SEM1: variants seen among roughly 807,000 people sequenced by gnomAD.
The protein encoded by SEM1 is SEM1 26S proteasome subunit, also known as 26S proteasome complex subunit SEM1.
SEM1 carries 3 observed loss-of-function variants against 12.7 expected under a neutral mutation model. The observed-to-expected ratio is 0.24, with a 90% CI of 0.11 to 0.61. The LOEUF (loss-of-function observed/expected upper bound fraction) is 0.61. SEM1 is among the 20% of genes least tolerant of loss of function. SEM1 has a pLI of 0.88. For synonymous variants in SEM1, 30 were observed against 27.8 expected (o/e 1.08, Z -0.25); for missense variants, 59 against 81.3 (o/e 0.73, Z 1.06).
At chr7:96,522,522 C>G (rs1480526649) in intron 2 of SEM1, among the ~76,000 whole-genome samples, 2 of 150,546 alleles carry the variant, frequency 1.3e-5, no homozygotes, top group Non-Finnish European at 2.9e-5. Context: ...CATGGGACTA[C>G]TGCCATGCCA....
intron 1 of SEM1, among the ~76,000 whole-genome samples, chr7:96,486,586 G>T (rs1002380096): frequency 6.6e-6 from 1 of 152,066 alleles, no homozygotes; most frequent in African/African-American, 2.4e-5. Context: ...GCTTCTTTCT[G>T]CCCAGCAGGT....
intron 2 of SEM1, among the ~76,000 whole-genome samples, chr7:96,512,470 G>A (rs1803962704): frequency 6.6e-6 from 1 of 152,018 alleles, no homozygotes; most frequent in South Asian, 2.1e-4. Context: ...AACAGGCTTG[G>A]ATCAATTAGT....
At chr7:96,612,616 T>C (rs1378612624) in intron 2 of SEM1, among the ~76,000 whole-genome samples, 1 of 152,140 alleles carries the variant, frequency 6.6e-6, no homozygotes, top group African/African-American at 2.4e-5. Flanking sequence ...GTTGTTTTTG[T>C]TGTTGTTGCT....
At chr7:96,566,084 T>C (rs1384029893) in intron 2 of SEM1, among the ~76,000 whole-genome samples, 1 of 151,840 alleles carries the variant, frequency 6.6e-6, no homozygotes, top group African/African-American at 2.4e-5. Flanking sequence ...TTAATCTATT[T>C]AATTTTTCTG....
intron 2 of SEM1, among the ~76,000 whole-genome samples, chr7:96,561,768 G>A (rs1805697394): frequency 6.6e-6 from 1 of 152,240 alleles, no homozygotes; most frequent in African/African-American, 2.4e-5. Context: ...AGATGGAGAG[G>A]TGACAAATAT....
At chr7:96,509,932 T>C (rs575619120) in intron 2 of SEM1, among the ~76,000 whole-genome samples, 3 of 152,082 alleles carry the variant, frequency 2.0e-5, no homozygotes, top group African/African-American at 7.2e-5. Context: ...AATAAGTACA[T>C]ACTTTCAGCT....
chr7:96,661,731 T>C (rs1415792760), intron 2 of SEM1, among the ~76,000 whole-genome samples: 2 of 152,186 alleles, frequency 1.3e-5, no homozygotes, highest in Non-Finnish European at 2.9e-5. Context: ...CTCATGCCTG[T>C]AATCCCAGCA....
intron 2 of SEM1, among the ~76,000 whole-genome samples, chr7:96,516,047 T>C: frequency 6.6e-6 from 1 of 150,740 alleles, no homozygotes; most frequent in East Asian, 1.9e-4. Context: ...CTTTTTCTTT[T>C]AAAAAAAAAG....
chr7:96,498,923 ATTTAT>A (rs1343843787), upstream of SEM1, among the ~76,000 whole-genome samples: 3 of 152,288 alleles, frequency 2.0e-5, no homozygotes, highest in Admixed American at 2.0e-4. Context: ...TGTACAAGAC[ATTTAT>A]TTTAATAGGT....
chr7:96,706,594 A>AAAAAAAAAG (rs1563122448), intron 1 of SEM1, among the ~76,000 whole-genome samples: 15 of 123,524 alleles, frequency 1.2e-4, no homozygotes, highest in African/African-American at 1.9e-4. Flanking sequence ...AAAAAAAAAA[A>AAAAAAAAAG]AGAGAGAGAG....
intron 2 of SEM1, among the ~76,000 whole-genome samples, chr7:96,663,486 G>C (rs1380792158): frequency 6.6e-6 from 1 of 152,066 alleles, no homozygotes; most frequent in African/African-American, 2.4e-5. Context: ...ACTATGATTC[G>C]GGCCTGACAC....
At position 96,557,092 on chromosome 7, in the gene SEM1, C is replaced by G. The variant is rs1055413919; in HGVS notation, c.171-50394G>C. 2.8e-3 allele frequency among the ~76,000 whole-genome samples: 407 copies of G among 144,628 alleles called. 1 individual carries two copies. Among genetic ancestry groups the G allele is most frequent in the African/African-American group, 9.7e-3 (386 of 39,636 alleles). 94.9% of individuals were successfully genotyped at this position (144,628 alleles called of 152,430 possible). A position where few individuals can be genotyped will look rare whatever the true frequency, so the allele number is the denominator to read the frequency against. ...TTGGTTATTCTAGTTATACATTCTT[C>G]TACATTTTTTTCAAAGTTTTCAACT... On this transcript the variant is annotated intron_variant and NMD_transcript_variant, in intron 2 of 3. Transcript: ENST00000466986.
chr7:96,698,227 ACTTTGTTGGTTCT>A (rs1790158044), intron 1 of SEM1, among the ~76,000 whole-genome samples: 1 of 151,866 alleles, frequency 6.6e-6, no homozygotes, highest in Non-Finnish European at 1.5e-5. Context: ...GAATGGTTCC[ACTTTGTTGGTTCT>A]CTTTGTTGAT....
intron 2 of SEM1, among the ~76,000 whole-genome samples, chr7:96,560,075 G>A (rs1805644588): frequency 1.3e-5 from 2 of 152,246 alleles, no homozygotes; most frequent in South Asian, 2.1e-4. Context: ...TAATACACTG[G>A]ACAATAATCC....
intron 2 of SEM1, among the ~76,000 whole-genome samples, chr7:96,545,130 A>G (rs1584751894): frequency 6.6e-6 from 1 of 151,986 alleles, no homozygotes; most frequent in South Asian, 2.1e-4. Context: ...AAGTGGATGC[A>G]CCCCTTTTTA....
At chr7:96,634,940 C>T (rs1454914120) in intron 2 of SEM1, among the ~76,000 whole-genome samples, 2 of 152,026 alleles carry the variant, frequency 1.3e-5, no homozygotes, top group African/African-American at 4.8e-5. Flanking sequence ...GACAGTCTGA[C>T]TTGTCATTTA....
upstream of SEM1, among the ~76,000 whole-genome samples, chr7:96,500,734 T>C (rs890871481): frequency 1.3e-5 from 2 of 152,198 alleles, no homozygotes; most frequent in Non-Finnish European, 2.9e-5. Flanking sequence ...CAAAAAGCAC[T>C]TCATGATTAT....
intron 2 of SEM1, among the ~76,000 whole-genome samples, chr7:96,567,496 A>T (rs1204882338): frequency 1.3e-5 from 2 of 150,444 alleles, no homozygotes; most frequent in Non-Finnish European, 3.0e-5. Flanking sequence ...AAACCTTTGT[A>T]TTTTTTTTCC....
intron 2 of SEM1, among the ~76,000 whole-genome samples, chr7:96,533,780 C>A (rs1289950568): frequency 1.3e-5 from 2 of 151,934 alleles, no homozygotes; most frequent in South Asian, 4.2e-4. Flanking sequence ...TTCATTGCAT[C>A]ATCATTTGAA....
Sources: allele counts gnomAD v4.1 joint callset (sites outside exome capture counted in the v4.1 genomes callset), GRCh38; gene constraint gnomAD v4.1.1; transcripts MANE v1.5; gene names NCBI Gene and HGNC (gene_info 2026-07-23, HGNC 2026-07-21).